ARHGAP26: variants seen among roughly 807,000 people sequenced by gnomAD.
ARHGAP26 encodes Rho GTPase activating protein 26.
ARHGAP26 carries 38 observed loss-of-function variants against 104.8 expected under a neutral mutation model. The ratio of observed to expected loss-of-function variants is 0.36; its 90% CI spans 0.28 to 0.48. ARHGAP26 has a LOEUF of 0.48. Ranked by LOEUF, ARHGAP26 falls within the 20% of genes least tolerant of loss-of-function variation. The pLI, the probability that ARHGAP26 is intolerant of heterozygous loss-of-function variation, is 0.99. For synonymous variants in ARHGAP26, 341 were observed against 340.0 expected (o/e 1.00, Z -0.03); for missense variants, 704 against 947.9 (o/e 0.74, Z 3.38).
At chr5:143,039,933 G>A (rs893431634) in intron 13 of ARHGAP26, among the ~76,000 whole-genome samples, 2 of 152,206 alleles carry the variant, frequency 1.3e-5, no homozygotes, top group Admixed American at 6.5e-5. Flanking sequence ...AATAAGGACA[G>A]TATGAGTTAG....
chr5:142,888,292 C>G (rs182663291), intron 5 of ARHGAP26, among the ~76,000 whole-genome samples: 31 of 152,258 alleles, frequency 2.0e-4, no homozygotes, highest in African/African-American at 6.0e-4. Flanking sequence ...ACGTCTCTAT[C>G]TGGGGAGGGA....
intron 10 of ARHGAP26, among the ~76,000 whole-genome samples, chr5:142,925,426 C>T (rs1461341779): frequency 6.6e-6 from 1 of 152,130 alleles, no homozygotes; most frequent in African/African-American, 2.4e-5. Context: ...TCTTACTTAC[C>T]GAGTCTCCGT....
At chr5:143,026,124 A>C (rs959450244) in intron 12 of ARHGAP26, among the ~76,000 whole-genome samples, 3 of 152,192 alleles carry the variant, frequency 2.0e-5, no homozygotes, top group Non-Finnish European at 4.4e-5. Flanking sequence ...AGGTACCAAT[A>C]TATGCAGCCA....
intron 16 of ARHGAP26, among the ~76,000 whole-genome samples, chr5:143,056,868 A>G (rs560306537): frequency 6.6e-5 from 10 of 152,254 alleles, no homozygotes; most frequent in African/African-American, 2.4e-4. Flanking sequence ...GTCCTTATCT[A>G]CTCATAGTTG....
intron 13 of ARHGAP26, 144 bp from the exon 14 acceptor site, chr5:143,041,672 G>C (rs1051277154): frequency 6.7e-5 from 43 of 638,090 alleles, no homozygotes; most frequent in Non-Finnish European, 1.0e-4. Flanking sequence ...GAGCTGAGCT[G>C]AGTGACAGGG....
intron 1 of ARHGAP26, among the ~76,000 whole-genome samples, chr5:142,867,346 G>A (rs1754498685): frequency 7.1e-6 from 1 of 140,088 alleles, no homozygotes; most frequent in Non-Finnish European, 1.5e-5. Context: ...GTTTTTGCTA[G>A]TACAATGCCA....
At position 142,770,508 on chromosome 5, in the gene ARHGAP26, G is replaced by A. The variant is rs991475159; in HGVS notation, c.-254G>A. On this transcript the variant is annotated 5_prime_UTR_variant, in exon 1 of 23. Transcript: ENST00000645722. ...CGCTCGCTTCCCGGCGCCGCTGCGG[G>A]TCCGCGCTGCGTTTCCTGCTCGCGA... The A allele has an allele frequency of 2.1e-5, 4 of 194,626 alleles. No individual in the cohort carries two copies. The highest frequency in any genetic ancestry group is 4.7e-5 in the African/African-American group (2 of 42,886). The allele number at this position is 194,626 out of a possible 1,614,324, so 12.1% of individuals were successfully genotyped here.
intron 11 of ARHGAP26, among the ~76,000 whole-genome samples, chr5:142,958,233 C>A (rs1002670519): frequency 6.6e-6 from 1 of 152,152 alleles, no homozygotes; most frequent in Non-Finnish European, 1.5e-5. Context: ...TATGTTAACT[C>A]AGCTTTTATG....
intron 17 of ARHGAP26, among the ~76,000 whole-genome samples, chr5:143,116,008 A>T (rs2150750371): frequency 6.8e-5 from 1 of 14,788 alleles, no homozygotes; most frequent in East Asian, 1.8e-3. Context: ...AATCGACAGG[A>T]TAAGATGGGA....
rs760414106 is a variant in ARHGAP26 at position 143,222,347 on chromosome 5, T to C, written c.2192-11T>C. 2 of 1,583,402 alleles carry C rather than the reference T, an allele frequency of 1.3e-6. No homozygotes were observed. The highest frequency in any genetic ancestry group is 1.1e-5 in the South Asian group (1 of 87,028). ...CCATCTCTTCTCGCTTTCTCTCCCC[T>C]TCCTGTACAGTTCACCCATCTCAGG... is the stretch of plus-strand genomic sequence containing the variant. On this transcript the variant is annotated splice_polypyrimidine_tract_variant and intron_variant, in intron 22 of 22. Transcript: ENST00000645722.
chr5:142,792,678 G>A (rs1760102799), intron 1 of ARHGAP26, among the ~76,000 whole-genome samples: 4 of 152,140 alleles, frequency 2.6e-5, no homozygotes, highest in African/African-American at 7.2e-5. Context: ...CCTAGAGACT[G>A]AGAGCACCCC....
intron 11 of ARHGAP26, among the ~76,000 whole-genome samples, chr5:142,984,283 AGT>A (rs1482532027): frequency 1.3e-5 from 2 of 152,304 alleles, no homozygotes; most frequent in East Asian, 1.9e-4. Flanking sequence ...TCCTAAGAGG[AGT>A]GTGTGTTTTC....
chr5:142,843,699 G>C (rs1291254273), intron 1 of ARHGAP26, among the ~76,000 whole-genome samples: 2 of 152,160 alleles, frequency 1.3e-5, no homozygotes, highest in Non-Finnish European at 2.9e-5. Context: ...GGGCACGGTG[G>C]ATATAGTAGA....
At chr5:143,112,808 G>A (rs1794927928) in intron 17 of ARHGAP26, among the ~76,000 whole-genome samples, 1 of 152,174 alleles carries the variant, frequency 6.6e-6, no homozygotes, top group South Asian at 2.1e-4. Context: ...GTTTAAGGCT[G>A]AATAATACTA....
intron 14 of ARHGAP26, among the ~76,000 whole-genome samples, chr5:143,053,988 A>T (rs376564007): frequency 6.6e-6 from 1 of 152,150 alleles, no homozygotes; most frequent in Non-Finnish European, 1.5e-5. Context: ...TCATTCTTCT[A>T]TCGTTGGACA....
chr5:143,144,700 GCTT>G (rs1798955776), intron 19 of ARHGAP26, among the ~76,000 whole-genome samples: 1 of 152,186 alleles, frequency 6.6e-6, no homozygotes, highest in Non-Finnish European at 1.5e-5. Context: ...GAACCACTAT[GCTT>G]GGCTCATTTT....
chr5:143,186,507 C>T (rs1805160294), intron 20 of ARHGAP26, among the ~76,000 whole-genome samples: 1 of 152,210 alleles, frequency 6.6e-6, no homozygotes, highest in Non-Finnish European at 1.5e-5. Flanking sequence ...AACATCAAGC[C>T]TCTCTTTGAT....
chr5:142,969,805 C>A (rs1771967138), intron 11 of ARHGAP26, among the ~76,000 whole-genome samples: 1 of 151,982 alleles, frequency 6.6e-6, no homozygotes. Flanking sequence ...GGGTTGAGGA[C>A]CTCTGTACTT....
intron 21 of ARHGAP26, among the ~76,000 whole-genome samples, chr5:143,213,763 C>T (rs1286247611): frequency 6.6e-6 from 1 of 152,114 alleles, no homozygotes; most frequent in African/African-American, 2.4e-5. Flanking sequence ...AAGGTGACCC[C>T]ACAAAAAGTG....
Sources: gnomAD v4.1 joint callset for allele counts (sites outside exome capture counted in the v4.1 genomes callset) on GRCh38, gnomAD v4.1.1 for gene constraint, MANE v1.5 for transcripts, NCBI Gene and HGNC (gene_info 2026-07-23, HGNC 2026-07-21) for gene names.